Variants in CPNE8 observed in about 807,000 individuals in gnomAD.
CPNE8 encodes the protein copine 8, also known as copine-8.
A neutral mutation model predicts 81.5 loss-of-function variants in CPNE8; 45 were observed. The ratio of observed to expected loss-of-function variants is 0.55; its 90% confidence interval spans 0.44 to 0.71. The LOEUF (loss-of-function observed/expected upper bound fraction) is 0.71, where lower values mean the gene tolerates loss of function less well. Among genes scored for constraint, CPNE8 ranks in the 30% least tolerant of loss-of-function variants. CPNE8 has a pLI of 0.00. For missense variants in CPNE8, 594 were observed against 672.1 expected (o/e 0.88, Z 1.28); for synonymous variants, 252 against 226.3 (o/e 1.11, Z -1.02).
intron 3 of CPNE8, among the ~76,000 whole-genome samples, chr12:38,852,205 A>G (rs1447078657): frequency 1.3e-5 from 2 of 152,242 alleles, no homozygotes; most frequent in East Asian, 3.9e-4. Context: ...AGGTGGGCAG[A>G]TCACCTGAGG....
chr12:38,720,939 C>CA (rs1165855009), intron 13 of CPNE8: 1 of 152,626 alleles, frequency 6.6e-6, no homozygotes, highest in East Asian at 1.9e-4. Flanking sequence ...TGCAGTTGCC[C>CA]AAACCACAGC....
chr12:38,902,215 AAGAG>A (rs1340200881), intron 1 of CPNE8, among the ~76,000 whole-genome samples: 1 of 144,390 alleles, frequency 6.9e-6, no homozygotes, highest in Admixed American at 6.9e-5. Flanking sequence ...GAAAGAAAGA[AAGAG>A]AAAGAGAAAG....
chr12:38,872,445 T>A (rs919154582), intron 3 of CPNE8, among the ~76,000 whole-genome samples: 2 of 152,218 alleles, frequency 1.3e-5, no homozygotes, highest in Non-Finnish European at 2.9e-5. Context: ...GAAATGCCTT[T>A]TATTTAATAT....
intron 1 of CPNE8, among the ~76,000 whole-genome samples, chr12:38,882,381 A>T (rs976273992): frequency 2.6e-5 from 4 of 152,174 alleles, no homozygotes; most frequent in Non-Finnish European, 4.4e-5. Context: ...TGTCCACTAG[A>T]GCAGCTGGAG....
intron 6 of CPNE8, among the ~76,000 whole-genome samples, chr12:38,791,091 A>G (rs1342095921): frequency 1.3e-5 from 2 of 151,706 alleles, no homozygotes; most frequent in Non-Finnish European, 3.0e-5. Context: ...TTCATCTTCC[A>G]GTGTCTCTAT....
At chr12:38,862,158 A>G (rs1943846021) in intron 3 of CPNE8, among the ~76,000 whole-genome samples, 1 of 152,174 alleles carries the variant, frequency 6.6e-6, no homozygotes, top group African/African-American at 2.4e-5. Flanking sequence ...AATGCAAAGA[A>G]CAGAAAAAAT....
At chr12:38,763,750 C>T (rs1226689546) in intron 8 of CPNE8, among the ~76,000 whole-genome samples, 1 of 152,168 alleles carries the variant, frequency 6.6e-6, no homozygotes, top group African/African-American at 2.4e-5. Context: ...GTGATCTTCA[C>T]TGAAACAATA....
chr12:38,692,153 G>A (rs1939690739), intron 15 of CPNE8, among the ~76,000 whole-genome samples: 1 of 151,996 alleles, frequency 6.6e-6, no homozygotes, highest in African/African-American at 2.4e-5. Context: ...TTAGCCAGGT[G>A]TTATGCATGC....
chr12:38,795,191 A>G (rs377353736), intron 6 of CPNE8, among the ~76,000 whole-genome samples: 1 of 152,316 alleles, frequency 6.6e-6, no homozygotes, highest in East Asian at 1.9e-4. Flanking sequence ...CAACCTGCAG[A>G]CCACTTATCG....
At chr12:38,834,069 T>C (rs990929483) in intron 5 of CPNE8, among the ~76,000 whole-genome samples, 2 of 152,118 alleles carry the variant, frequency 1.3e-5, no homozygotes, top group East Asian at 3.9e-4. Flanking sequence ...CAAGGACTGA[T>C]TTCTATCCCA....
At chr12:38,896,762 A>G (rs1333139219) in intron 1 of CPNE8, among the ~76,000 whole-genome samples, 1 of 152,052 alleles carries the variant, frequency 6.6e-6, no homozygotes, top group East Asian at 1.9e-4. Context: ...CACTCTCTCC[A>G]CATTGAATTA....
At chr12:38,687,338 C>T (rs1213891091) in intron 15 of CPNE8, among the ~76,000 whole-genome samples, 1 of 150,862 alleles carries the variant, frequency 6.6e-6, no homozygotes, top group African/African-American at 2.4e-5. Flanking sequence ...TTCTTAAACA[C>T]CATTATGCTA....
At chr12:38,810,156 G>A (rs898921383) in intron 6 of CPNE8, among the ~76,000 whole-genome samples, 4 of 152,096 alleles carry the variant, frequency 2.6e-5, no homozygotes, top group Non-Finnish European at 1.5e-5. Flanking sequence ...CTCTCTTTTA[G>A]TCCAAGTTGG....
intron 18 of CPNE8, among the ~76,000 whole-genome samples, chr12:38,671,278 T>TAC (rs1267896101): frequency 4.0e-5 from 6 of 151,714 alleles, no homozygotes; most frequent in African/African-American, 9.7e-5. Flanking sequence ...GCCATACACA[T>TAC]ACACACACAC....
At chr12:38,656,485 T>C (rs1484251262) in intron 19 of CPNE8, among the ~76,000 whole-genome samples, 3 of 152,144 alleles carry the variant, frequency 2.0e-5, no homozygotes, top group Non-Finnish European at 4.4e-5. Flanking sequence ...TTTGGTCTCA[T>C]ATTCTTTACC....
chr12:38,769,443 A>C (rs570116384), intron 7 of CPNE8, among the ~76,000 whole-genome samples: 32 of 152,152 alleles, frequency 2.1e-4, no homozygotes, highest in African/African-American at 7.5e-4. Context: ...TGAAATAATC[A>C]TTCTGGATGA....
At chr12:38,737,378 A>C (rs1038505315) in intron 10 of CPNE8, among the ~76,000 whole-genome samples, 2 of 152,132 alleles carry the variant, frequency 1.3e-5, no homozygotes, top group African/African-American at 4.8e-5. Flanking sequence ...TACTTCAGTC[A>C]AAAGTAGACA....
At chr12:38,684,601 C>T (rs981197976) in intron 16 of CPNE8, among the ~76,000 whole-genome samples, 2 of 152,014 alleles carry the variant, frequency 1.3e-5, no homozygotes, top group South Asian at 2.1e-4. Flanking sequence ...GCATTTTGTC[C>T]GTGTCCCAGA....
chr12:38,823,427 G>A (rs1400360648), intron 6 of CPNE8, among the ~76,000 whole-genome samples: 1 of 152,010 alleles, frequency 6.6e-6, no homozygotes, highest in Non-Finnish European at 1.5e-5. Context: ...ATCCATCTAC[G>A]AACCTTCCCT....
Sources: allele counts gnomAD v4.1 joint callset (sites outside exome capture counted in the v4.1 genomes callset), GRCh38; gene constraint gnomAD v4.1.1; transcripts MANE v1.5; gene names NCBI Gene and HGNC (gene_info 2026-07-23, HGNC 2026-07-21).